ZNF536: variants seen among roughly 807,000 people sequenced by gnomAD.
ZNF536 encodes the protein zinc finger protein 536.
A neutral mutation model predicts 84.5 loss-of-function variants in ZNF536; 13 were observed. The ratio of observed to expected loss-of-function variants is 0.15; its 90% CI spans 0.10 to 0.24. The LOEUF is 0.24. Ranked by LOEUF, ZNF536 falls within the 10% of genes least tolerant of loss-of-function variation. The pLI is 1.00. For synonymous variants in ZNF536, 811 were observed against 742.5 expected (o/e 1.09, Z -1.50); for missense variants, 1,536 against 1,747.5 (o/e 0.88, Z 2.16).
At chr19:30,683,977 C>T (rs1568668520) in intron 1 of ZNF536, among the ~76,000 whole-genome samples, 1 of 152,126 alleles carries the variant, frequency 6.6e-6, no homozygotes, top group Non-Finnish European at 1.5e-5. Flanking sequence ...TACATTAAGA[C>T]AAGCTTGTAA....
intron 2 of ZNF536, among the ~76,000 whole-genome samples, chr19:30,476,707 T>C (rs1190746730): frequency 1.3e-5 from 2 of 152,222 alleles, no homozygotes; most frequent in Non-Finnish European, 2.9e-5. Context: ...GCTGGGCTTC[T>C]GTTCTCAAAC....
intron 1 of ZNF536, among the ~76,000 whole-genome samples, chr19:30,688,888 G>A (rs2051301165): frequency 6.6e-6 from 1 of 152,230 alleles, no homozygotes; most frequent in Admixed American, 6.5e-5. Flanking sequence ...CTGGGCTGGA[G>A]ATGTTTCACC....
At chr19:30,268,959 T>G (rs1447859825) in intron 1 of ZNF536, among the ~76,000 whole-genome samples, 1 of 152,222 alleles carries the variant, frequency 6.6e-6, no homozygotes, top group Admixed American at 6.5e-5. Flanking sequence ...AGTCAAGTAG[T>G]TTGCATATAA....
At position 30,306,589 on chromosome 19, in the gene ZNF536, G is replaced by A. The variant is rs1600155754; in HGVS notation, c.-120+22448G>A. Among the ~76,000 whole-genome samples, 7 of 152,204 alleles carry A rather than the reference G, an allele frequency of 4.6e-5. No homozygotes were observed. The South Asian group carries it at 1.2e-3, about 27-fold the overall frequency. On this transcript the variant is annotated intron_variant, in intron 2 of 5. Coordinates refer to the ZNF536 transcript ENST00000585628. ...GATTCAAGGGGAATATTTCACCTGC[G>A]ACTTTGATTTGGAAAATTGAAAAGT...
chr19:30,648,600 T>C (rs1364248433), intron 1 of ZNF536, among the ~76,000 whole-genome samples: 4 of 152,110 alleles, frequency 2.6e-5, no homozygotes, highest in African/African-American at 7.2e-5. Flanking sequence ...GTATGAGTCA[T>C]AAATAGTCCT....
chr19:30,280,880 C>T (rs1422317607), intron 1 of ZNF536, among the ~76,000 whole-genome samples: 1 of 152,198 alleles, frequency 6.6e-6, no homozygotes, highest in African/African-American at 2.4e-5. Context: ...TTGTGGCCTC[C>T]TGCTTTGGTG....
chr19:30,237,601 C>A (rs984925782), intron 1 of ZNF536, among the ~76,000 whole-genome samples: 2 of 152,156 alleles, frequency 1.3e-5, no homozygotes, highest in African/African-American at 4.8e-5. Context: ...GACTCTTAAC[C>A]TTCAGAGTAA....
At chr19:30,577,413 A>G (rs1450261636) in intron 1 of ZNF536, among the ~76,000 whole-genome samples, 3 of 152,202 alleles carry the variant, frequency 2.0e-5, no homozygotes, top group Non-Finnish European at 4.4e-5. Flanking sequence ...TTCATTAGTT[A>G]GTTATAAACA....
intron 1 of ZNF536, among the ~76,000 whole-genome samples, chr19:30,641,863 G>C (rs552737975): frequency 1.1e-4 from 16 of 152,218 alleles, no homozygotes; most frequent in Non-Finnish European, 1.9e-4. Context: ...TGGCAGTAGA[G>C]TGGGGCAAGT....
rs2146211238 is a variant in ZNF536 at position 30,548,654 on chromosome 19, C to A, written c.3035C>A (p.Ser1012Tyr). The stretch of plus-strand genomic sequence containing the variant: ...TTGTTTTGTGCTTTCACAACGTCCT[C>A]CATGGAGCTCATGGCCCTTCATCTC... The part of the protein sequence containing the change: ...GCLFCAFTTS[S>Y]MELMALHLQA... Residue 1012 changes from serine (S) to tyrosine (Y), a missense_variant, in exon 4 of 5, where the codon TCC becomes TAC. Ser to Tyr is a moderately radical substitution (Grantham distance 144). Transcript: ENST00000355537. 1 of 1,614,102 alleles carries A rather than the reference C, an allele frequency of 6.2e-7. No individual in the cohort carries two copies. Among genetic ancestry groups the A allele is most frequent in the Non-Finnish European group, 8.5e-7 (1 of 1,180,036 alleles).
At chr19:30,558,557 T>C (rs1599800467), downstream of ZNF536, among the ~76,000 whole-genome samples, 1 of 152,012 alleles carries the variant, frequency 6.6e-6, no homozygotes, top group South Asian at 2.1e-4. Context: ...TTCGCGGAGG[T>C]GGGAATCTTT....
chr19:30,485,388 ACAAT>A (rs2054265605), intron 2 of ZNF536, among the ~76,000 whole-genome samples: 1 of 152,150 alleles, frequency 6.6e-6, no homozygotes, highest in African/African-American at 2.4e-5. Context: ...AACCATCACC[ACAAT>A]CAATTTTAGA....
chr19:30,316,066 G>A (rs10418951), intron 2 of ZNF536, among the ~76,000 whole-genome samples: 1,931 of 152,152 alleles, frequency 0.013, 30 homozygotes, highest in African/African-American at 0.037. Context: ...TCGACATTAC[G>A]CTTAAAATGC....
intron 1 of ZNF536, among the ~76,000 whole-genome samples, chr19:30,260,488 G>A (rs115171144): frequency 0.015 from 2,273 of 152,324 alleles, 53 homozygotes; most frequent in African/African-American, 0.052. Context: ...GAGATGCTGC[G>A]AGGAAGGTTG....
intron 1 of ZNF536, among the ~76,000 whole-genome samples, chr19:30,668,115 G>A (rs1395108212): frequency 6.6e-6 from 1 of 152,120 alleles, no homozygotes; most frequent in East Asian, 1.9e-4. Flanking sequence ...CTTCTTGGAT[G>A]TTAAATGTAA....
At chr19:30,564,633 G>A (rs772204915) in intron 1 of ZNF536, among the ~76,000 whole-genome samples, 10 of 152,256 alleles carry the variant, frequency 6.6e-5, no homozygotes, top group Non-Finnish European at 1.3e-4. Context: ...AGCCCCTGGC[G>A]CTCGGGCTGG....
chr19:30,264,131 G>A (rs1425278812), intron 1 of ZNF536, among the ~76,000 whole-genome samples: 4 of 152,130 alleles, frequency 2.6e-5, no homozygotes, highest in South Asian at 2.1e-4. Context: ...CCATGGTGGC[G>A]CTCCCAGCCA....
At chr19:30,337,381 C>A (rs1332308224) in intron 2 of ZNF536, among the ~76,000 whole-genome samples, 1 of 152,214 alleles carries the variant, frequency 6.6e-6, no homozygotes, top group Non-Finnish European at 1.5e-5. Flanking sequence ...TTAGCTTGGC[C>A]ACCCCTTTAG....
At chr19:30,661,201 G>C (rs2050110330) in intron 1 of ZNF536, among the ~76,000 whole-genome samples, 1 of 152,170 alleles carries the variant, frequency 6.6e-6, no homozygotes, top group Non-Finnish European at 1.5e-5. Context: ...GCTCTGCTTT[G>C]CTCTGGTTTA....
Sources: gnomAD v4.1 joint callset for allele counts (sites outside exome capture counted in the v4.1 genomes callset) on GRCh38, gnomAD v4.1.1 for gene constraint, MANE v1.5 for transcripts, NCBI Gene and HGNC (gene_info 2026-07-23, HGNC 2026-07-21) for gene names.